The following BICC1 variants were observed in gnomAD, a reference collection of about 807,000 sequenced individuals.
BICC1 encodes the protein BicC family RNA binding protein 1.
Under a neutral mutation model 111.0 loss-of-function variants are expected in BICC1, and 43 were observed. The observed-to-expected ratio is 0.39, with a 90% CI of 0.30 to 0.50. BICC1 has a LOEUF of 0.50. Ranked by LOEUF, BICC1 falls within the 20% of genes least tolerant of loss-of-function variation. The pLI is 0.88. For missense variants in BICC1, 1,091 were observed against 1,203.2 expected (o/e 0.91, Z 1.38); for synonymous variants, 467 against 434.4 (o/e 1.07, Z -0.93).
intron 1 of BICC1, among the ~76,000 whole-genome samples, chr10:58,531,108 A>G (rs1382166832): frequency 6.6e-6 from 1 of 151,896 alleles, no homozygotes; most frequent in Admixed American, 6.6e-5. Context: ...GAAAAAGAGT[A>G]AAATGGAATT....
Position 58,800,181 on chromosome 10 carries a change from A to G in BICC1, c.1726-13A>G. Reference sequence around the variant, plus strand: ...TGACCATATTTATACATTATTTTCTATTATTATTTTAGTCTCCAGATATAA... The same window carrying G: ...TGACCATATTTATACATTATTTTCTGTTATTATTTTAGTCTCCAGATATAA... On this transcript the variant is annotated splice_polypyrimidine_tract_variant and intron_variant, in intron 12 of 20. Transcript: ENST00000373886. 2 of 1,557,998 alleles carry G rather than the reference A, an allele frequency of 1.3e-6. No homozygotes were observed. Among genetic ancestry groups the G allele is most frequent in the South Asian group, 2.3e-5 (2 of 87,296 alleles).
intron 1 of BICC1, among the ~76,000 whole-genome samples, chr10:58,568,558 G>T (rs952137331): frequency 3.3e-5 from 5 of 152,082 alleles, no homozygotes; most frequent in South Asian, 4.1e-4. Flanking sequence ...AAGGAAGAGG[G>T]GTTGTTGGCC....
In BICC1 at chr10:58,830,578, G is replaced by A. The variant is rs1844526746; in HGVS notation, c.*1687G>A. 1.3e-5 allele frequency: 2 copies of A among 152,260 alleles called. No individual in the cohort carries two copies. Among genetic ancestry groups the A allele is most frequent in the Non-Finnish European group, 2.9e-5 (2 of 68,000 alleles). 9.4% of individuals were successfully genotyped at this position (152,260 alleles called of 1,614,324 possible). ...AGTCTGACCATTACAGTAAGAACAA[G>A]AATTGAAGAGGCATTTTGCACACAG... On this transcript the variant is annotated 3_prime_UTR_variant, in exon 21 of 21. Coordinates refer to ENST00000373886, the MANE Select transcript of BICC1 (RefSeq NM_001080512.3).
chr10:58,521,865 G>A (rs1259807707), intron 1 of BICC1, among the ~76,000 whole-genome samples: 1 of 143,276 alleles, frequency 7.0e-6, no homozygotes. Flanking sequence ...TGAGAGTGGT[G>A]TTGGCAGGAT....
At chr10:58,818,121 A>G (rs994097882) in intron 19 of BICC1, among the ~76,000 whole-genome samples, 3 of 152,202 alleles carry the variant, frequency 2.0e-5, no homozygotes, top group African/African-American at 7.2e-5. Context: ...ACAGCATCTG[A>G]AATATCTCTG....
chr10:58,545,177 T>C (rs1223757783), intron 1 of BICC1, among the ~76,000 whole-genome samples: 2 of 152,172 alleles, frequency 1.3e-5, no homozygotes, highest in Non-Finnish European at 2.9e-5. Context: ...TATTTCTCTA[T>C]TATGCTAAGA....
intron 3 of BICC1, among the ~76,000 whole-genome samples, chr10:58,754,226 T>C (rs1842074833): frequency 6.6e-6 from 1 of 152,222 alleles, no homozygotes; most frequent in Non-Finnish European, 1.5e-5. Context: ...TTTTTTACTC[T>C]TGTCTCCTTA....
At chr10:58,552,105 A>C (rs1186318429) in intron 1 of BICC1, among the ~76,000 whole-genome samples, 2 of 151,448 alleles carry the variant, frequency 1.3e-5, no homozygotes, top group Non-Finnish European at 3.0e-5. Context: ...AGAGTACAAA[A>C]ATGTAAAAAA....
At chr10:58,569,751 A>C (rs1473791232) in intron 1 of BICC1, among the ~76,000 whole-genome samples, 1 of 152,158 alleles carries the variant, frequency 6.6e-6, no homozygotes. Context: ...ATAGTATTCC[A>C]CGGTGTATAT....
At chr10:58,564,250 T>C (rs1843691451) in intron 1 of BICC1, among the ~76,000 whole-genome samples, 1 of 152,218 alleles carries the variant, frequency 6.6e-6, no homozygotes, top group Non-Finnish European at 1.5e-5. Context: ...TTATTGTTTA[T>C]TTTCCATGGC....
At chr10:58,517,614 C>T (rs980361320) in intron 1 of BICC1, among the ~76,000 whole-genome samples, 1 of 152,114 alleles carries the variant, frequency 6.6e-6, no homozygotes, top group Non-Finnish European at 1.5e-5. Flanking sequence ...ACAGCAAAAA[C>T]AAATCAAATA....
At chr10:58,716,205 A>G in intron 3 of BICC1, 3 of 1,500,482 alleles carry the variant, frequency 2.0e-6, no homozygotes, top group Non-Finnish European at 2.7e-6. Context: ...GAGAAAAAGC[A>G]ACAGAAAAAA....
At chr10:58,759,969 A>G (rs201577672) in intron 3 of BICC1, among the ~76,000 whole-genome samples, 1 of 8,240 alleles carries the variant, frequency 1.2e-4, no homozygotes, top group African/African-American at 2.4e-4. Context: ...AAAGAAAAAG[A>G]AAAAAAAAAA....
At chr10:58,641,992 A>G (rs1838137331) in intron 2 of BICC1, among the ~76,000 whole-genome samples, 1 of 152,246 alleles carries the variant, frequency 6.6e-6, no homozygotes, top group Non-Finnish European at 1.5e-5. Flanking sequence ...AAACATAGTT[A>G]CAAAATATCT....
intron 1 of BICC1, among the ~76,000 whole-genome samples, chr10:58,582,474 C>T (rs1844309343): frequency 6.6e-6 from 1 of 152,120 alleles, no homozygotes; most frequent in African/African-American, 2.4e-5. Flanking sequence ...AGTTTATATT[C>T]TCTGTATTGA....
chr10:58,759,839 G>A (rs1026870738), intron 3 of BICC1, among the ~76,000 whole-genome samples: 1 of 151,782 alleles, frequency 6.6e-6, no homozygotes, highest in African/African-American at 2.4e-5. Flanking sequence ...GGCGCCTGTC[G>A]TCCCAGCTAC....
chr10:58,513,694 G>A (rs1842161852), intron 1 of BICC1, among the ~76,000 whole-genome samples: 2 of 152,236 alleles, frequency 1.3e-5, no homozygotes, highest in Non-Finnish European at 2.9e-5. Flanking sequence ...CACAGAGTAT[G>A]CGTGACCCTC....
At chr10:58,579,345 A>G (rs1844202177) in intron 1 of BICC1, among the ~76,000 whole-genome samples, 1 of 152,236 alleles carries the variant, frequency 6.6e-6, no homozygotes, top group South Asian at 2.1e-4. Context: ...GTAAAATTAA[A>G]TATAAGTAAT....
At chr10:58,593,510 G>C (rs1448342528) in intron 1 of BICC1, among the ~76,000 whole-genome samples, 2 of 152,108 alleles carry the variant, frequency 1.3e-5, no homozygotes, top group Non-Finnish European at 2.9e-5. Flanking sequence ...GCATCTGGCA[G>C]GTGCCCCTCT....
Sources: allele counts gnomAD v4.1 joint callset (sites outside exome capture counted in the v4.1 genomes callset), GRCh38; gene constraint gnomAD v4.1.1; transcripts MANE v1.5; gene names NCBI Gene and HGNC (gene_info 2026-07-23, HGNC 2026-07-21).